RHAG: variants seen among roughly 807,000 people sequenced by gnomAD.
RHAG encodes the protein Rh associated glycoprotein, also known as ammonium transporter Rh type A.
A neutral mutation model predicts 42.4 loss-of-function variants in RHAG; 25 were observed. The observed-to-expected ratio is 0.59, with a 90% CI of 0.43 to 0.82. The LOEUF (loss-of-function observed/expected upper bound fraction) is 0.82. Among genes scored for constraint, RHAG ranks in the 40% least tolerant of loss-of-function variants. The pLI is 0.00. For synonymous variants in RHAG, 182 were observed against 177.7 expected, an observed-to-expected ratio of 1.02 and a Z score of -0.19; for missense variants, 483 against 504.6, an observed-to-expected ratio of 0.96 and a Z score of 0.41.
chr6:49,628,191 C>T (rs1365672385), intron 1 of RHAG, among the ~76,000 whole-genome samples: 2 of 151,806 alleles, frequency 1.3e-5, no homozygotes, highest in East Asian at 3.9e-4. Context: ...GGGTCTTGCT[C>T]TGTTGCCCAG....
rs763263319 is a variant in RHAG, at chr6:49,612,543, G to C, written c.808-9C>G. ...GCATTCTGAATGTGAACCTGTGTGA[G>C]CGGCAGAAACATAAATGAGGTGAGC... On this transcript the variant is annotated splice_polypyrimidine_tract_variant and intron_variant, in intron 5 of 9. Transcript: ENST00000371175. 1.9e-6 allele frequency: 3 copies of C among 1,613,886 alleles called. No homozygotes were observed. The highest frequency in any genetic ancestry group is 2.5e-6 in the Non-Finnish European group (3 of 1,179,882).
intron 5 of RHAG, 127 bp from the exon 6 acceptor site, chr6:49,612,661 T>C: frequency 9.0e-7 from 1 of 1,113,104 alleles, no homozygotes; most frequent in Non-Finnish European, 1.3e-6. Flanking sequence ...GGTTCTTTTT[T>C]AAAAAGAGGT....
chr6:49,636,807 C>A lies in RHAG; in HGVS notation c.6G>T (p.Arg2Ser). Reference protein sequence around the residue: MRFTFPLMAIVL... With the variant: MSFTFPLMAIVL... ...CTATAGCCATGAGAGGGAATGTGAA[C>A]CTCATGTTTGTGGCAAAGGACAGAG... Residue 2 changes from arginine (R) to serine (S), a missense_variant, in exon 1 of 10, where the codon AGG becomes AGT. By Grantham distance (110) the Arg-to-Ser change is moderately radical. Transcript: ENST00000371175. The A allele has an allele frequency of 1.9e-6, 3 of 1,613,608 alleles. No individual in the cohort carries two copies. The highest frequency in any genetic ancestry group is 2.5e-6 in the Non-Finnish European group (3 of 1,179,652).
intron 1 of RHAG, among the ~76,000 whole-genome samples, chr6:49,627,631 A>C (rs1292307458): frequency 6.6e-6 from 1 of 152,190 alleles, no homozygotes; most frequent in Non-Finnish European, 1.5e-5. Context: ...GCTAATGAAA[A>C]CATACCTGAG....
At chr6:49,624,685 T>C (rs902932759) in intron 1 of RHAG, among the ~76,000 whole-genome samples, 1 of 152,232 alleles carries the variant, frequency 6.6e-6, no homozygotes, top group Non-Finnish European at 1.5e-5. Flanking sequence ...TGTGTTTTAT[T>C]TACCTCCTCA....
At chr6:49,626,028 C>T (rs1449461300) in intron 1 of RHAG, among the ~76,000 whole-genome samples, 2 of 152,094 alleles carry the variant, frequency 1.3e-5, no homozygotes, top group Non-Finnish European at 2.9e-5. Context: ...CTGGTTCCCT[C>T]CCACAACACA....
chr6:49,632,956 A>G (rs1275453493), intron 1 of RHAG, among the ~76,000 whole-genome samples: 2 of 152,144 alleles, frequency 1.3e-5, no homozygotes, highest in Non-Finnish European at 2.9e-5. Flanking sequence ...GAGTATAGCT[A>G]GTTTATCAAG....
intron 3 of RHAG, among the ~76,000 whole-genome samples, chr6:49,616,387 C>G (rs892337412): frequency 3.4e-5 from 5 of 147,012 alleles, no homozygotes; most frequent in African/African-American, 1.3e-4. Context: ...ATACTGCTTG[C>G]GATACAAAAT....
intron 2 of RHAG, 141 bp downstream of exon 2, chr6:49,619,038 T>A: frequency 1.1e-6 from 1 of 895,826 alleles, no homozygotes; most frequent in Admixed American, 2.0e-5. Flanking sequence ...AGGACACTGA[T>A]CCCATTCATA....
At chr6:49,622,671 C>G (rs1043366786) in intron 1 of RHAG, among the ~76,000 whole-genome samples, 2 of 152,068 alleles carry the variant, frequency 1.3e-5, no homozygotes, top group Non-Finnish European at 2.9e-5. Context: ...TTCTTTCGTT[C>G]GTAAATTGCC....
intron 1 of RHAG, among the ~76,000 whole-genome samples, chr6:49,629,642 A>AG (rs887980681): frequency 7.3e-6 from 1 of 137,682 alleles, no homozygotes; most frequent in African/African-American, 2.8e-5. Context: ...GAGCCCATGG[A>AG]GGGGGTGGGG....
Position 49,619,282 on chromosome 6 carries a change from C to A in RHAG, c.238G>T (p.Val80Leu), listed in dbSNP as rs1310576012. The stretch of plus-strand genomic sequence containing the variant: ...GCAGCAACGAGTAGGTTGATACCCA[C>A]ACTGCTGAAGCCATATTTCTTCAGG... The part of the protein sequence containing the change: ...TFLKKYGFSS[V>L]GINLLVAALG... Residue 80 changes from valine (V) to leucine (L), a missense_variant, in exon 2 of 10, where the codon GTG becomes TTG. Physicochemically the swap from Val to Leu is conservative, Grantham distance 32. Transcript: ENST00000371175. 6.2e-7 allele frequency: 1 copy of A among 1,614,130 alleles called. No homozygotes were observed. Among genetic ancestry groups the A allele is most frequent in the Non-Finnish European group, 8.5e-7 (1 of 1,179,998 alleles).
Position 49,614,575 on chromosome 6 carries a change from C to T in RHAG, c.807+112G>A, listed in dbSNP as rs7772767. 0.32 allele frequency: 285,650 copies of T among 896,544 alleles called. 49,262 individuals carry two copies. The highest frequency in any genetic ancestry group is 0.54 in the East Asian group (22,586 of 41,688). 55.5% of individuals were successfully genotyped at this position (896,544 alleles called of 1,614,324 possible). A position where few individuals can be genotyped will look rare whatever the true frequency, so the allele number is the denominator to read the frequency against. On this transcript the variant is annotated intron_variant, in intron 5 of 9. Coordinates refer to ENST00000371175, the MANE Select transcript of RHAG (RefSeq NM_000324.3). The stretch of plus-strand genomic sequence containing the variant: ...TTTTTAGAACATTCTACAAGGTCTG[C>T]TTCTGATTTGTCTTGAGAGTTCAGC...
At chr6:49,617,171 G>A (rs1478179423) in intron 3 of RHAG, among the ~76,000 whole-genome samples, 1 of 152,200 alleles carries the variant, frequency 6.6e-6, no homozygotes, top group East Asian at 1.9e-4. Context: ...ATTCAAGACT[G>A]GTTGTTGTTA....
At chr6:49,624,957 G>A (rs1162974455) in intron 1 of RHAG, among the ~76,000 whole-genome samples, 1 of 152,164 alleles carries the variant, frequency 6.6e-6, no homozygotes, top group East Asian at 1.9e-4. Flanking sequence ...TTATCTCTAT[G>A]TGTAAATATG....
intron 9 of RHAG, among the ~76,000 whole-genome samples, chr6:49,606,515 CT>C (rs1219527598): frequency 6.6e-6 from 1 of 152,052 alleles, no homozygotes; most frequent in Non-Finnish European, 1.5e-5. Context: ...GGCACATCAT[CT>C]CAATTTCTTT....
chr6:49,636,574 G>T, intron 1 of RHAG, 82 bp downstream of exon 1: 3 of 1,362,690 alleles, frequency 2.2e-6, no homozygotes, highest in Admixed American at 3.4e-5. Context: ...AGAGCTCAAG[G>T]GTTTATAGTA....
Position 49,618,164 on chromosome 6 carries a change from G to A in RHAG, c.396C>T (p.Val132=). The A allele has an allele frequency of 6.2e-7, 1 of 1,614,036 alleles. No individual in the cohort carries two copies. Among genetic ancestry groups the A allele is most frequent in the Non-Finnish European group, 8.5e-7 (1 of 1,179,976 alleles). The change falls in exon 3 of 10, where the codon GTC becomes GTT. Residue 132 remains valine (V), a synonymous_variant. Transcript: ENST00000371175. The part of the protein sequence containing the change: ...AATVLISFGA[V]LGKTSPTQML... ...TTTGGGTGGGGCTCGTTTTTCCCAG[G>A]ACAGCTCCAAAAGATATCAGAACTG...
At chr6:49,614,874 G>A in intron 4 of RHAG, 21 bp from the exon 5 acceptor site, 8 of 1,612,098 alleles carry the variant, frequency 5.0e-6, no homozygotes, top group Non-Finnish European at 5.9e-6. Context: ...CCAAAAGAGG[G>A]GATATTAGTT....
Sources: gnomAD v4.1 joint callset for allele counts (sites outside exome capture counted in the v4.1 genomes callset) on GRCh38, gnomAD v4.1.1 for gene constraint, MANE v1.5 for transcripts, NCBI Gene and HGNC (gene_info 2026-07-23, HGNC 2026-07-21) for gene names.